Variants in TBC1D9 observed in about 807,000 individuals in gnomAD.
The protein encoded by TBC1D9 is TBC1 domain family member 9A.
Under a neutral mutation model 132.0 loss-of-function variants are expected in TBC1D9, and 63 were observed. The ratio of observed to expected loss-of-function variants is 0.48; its 90% confidence interval spans 0.39 to 0.59. The LOEUF (loss-of-function observed/expected upper bound fraction) is 0.59. Among genes scored for constraint, TBC1D9 ranks in the 20% least tolerant of loss-of-function variants. The probability of loss-of-function intolerance (pLI) is 0.00; values close to 1 mark genes in which losing one functional copy is unlikely to be tolerated. For missense variants in TBC1D9, 1,261 were observed against 1,592.7 expected (o/e 0.79, Z 3.54); for synonymous variants, 610 against 609.9 (o/e 1.00, Z 0.00).
intron 18 of TBC1D9, among the ~76,000 whole-genome samples, chr4:140,626,244 C>T (rs975441537): frequency 6.6e-6 from 1 of 152,180 alleles, no homozygotes; most frequent in East Asian, 1.9e-4. Flanking sequence ...TGTCTTATTA[C>T]ATTCTCTTAT....
chr4:140,657,829 T>A lies in TBC1D9; in HGVS notation c.1922-17A>T, dbSNP rs376218820. 2.5e-6 allele frequency: 4 copies of A among 1,600,428 alleles called. No individual in the cohort carries two copies. The highest frequency in any genetic ancestry group is 8.5e-7 in the Non-Finnish European group (1 of 1,173,824). ...CCAGTGCACCTGTGGCAGCGATGTA[T>A]ACAAAAAGGCGCAGCTTAGCCAACT... On this transcript the variant is annotated splice_polypyrimidine_tract_variant and intron_variant, in intron 11 of 20. Coordinates refer to ENST00000442267, the MANE Select transcript of TBC1D9 (RefSeq NM_015130.3).
intron 1 of TBC1D9, among the ~76,000 whole-genome samples, chr4:140,709,217 TTA>T (rs2111046163): frequency 1.4e-5 from 1 of 72,782 alleles, no homozygotes; most frequent in Non-Finnish European, 2.9e-5. Flanking sequence ...GGAACCAGCC[TTA>T]TCTCTCTCTC....
intron 1 of TBC1D9, among the ~76,000 whole-genome samples, chr4:140,729,983 G>A (rs1425588540): frequency 1.3e-5 from 2 of 152,026 alleles, no homozygotes; most frequent in Non-Finnish European, 1.5e-5. Context: ...ATTTTGTTGT[G>A]GCTTCTGCAG....
At chr4:140,660,222 T>C (rs775833838) in intron 10 of TBC1D9, among the ~76,000 whole-genome samples, 1 of 152,238 alleles carries the variant, frequency 6.6e-6, no homozygotes, top group Admixed American at 6.5e-5. Context: ...CGGAGAGAGA[T>C]GGTAGTGATA....
At chr4:140,643,400 C>CCCCAGGGTG in intron 13 of TBC1D9, 1 of 379,968 alleles carries the variant, frequency 2.6e-6, no homozygotes, top group Non-Finnish European at 3.8e-6. Context: ...CCATGGCCAC[C>CCCCAGGGTG]TCCATGCCAG....
chr4:140,653,445 G>A (rs1482254234), intron 13 of TBC1D9, among the ~76,000 whole-genome samples: 4 of 152,070 alleles, frequency 2.6e-5, no homozygotes, highest in Non-Finnish European at 4.4e-5. Context: ...AACCCTCACC[G>A]GACATTTGGA....
chr4:140,677,146 AC>A, intron 5 of TBC1D9, 45 bp from the exon 6 acceptor site: 1 of 1,603,680 alleles, frequency 6.2e-7, no homozygotes, highest in Non-Finnish European at 8.5e-7. Flanking sequence ...ATGTTTCCAT[AC>A]CTTCTAAATT....
chr4:140,632,914 A>G (rs1736820544), intron 16 of TBC1D9, among the ~76,000 whole-genome samples: 1 of 152,244 alleles, frequency 6.6e-6, no homozygotes, highest in South Asian at 2.1e-4. Flanking sequence ...TAAAAGTTCT[A>G]AAGTATCACA....
chr4:140,652,801 T>C (rs1426179016), intron 13 of TBC1D9, among the ~76,000 whole-genome samples: 1 of 152,214 alleles, frequency 6.6e-6, no homozygotes, highest in African/African-American at 2.4e-5. Flanking sequence ...CAGAGACACA[T>C]TACTCTAAGC....
In TBC1D9 at chr4:140,624,307, T is replaced by A; in HGVS notation, c.2974+7A>T. ...GAAGGTAAACATATAGAAGAGAATA[T>A]CCTTACCTTTGTCTGGCTTTAGGCT... On this transcript the variant is annotated splice_region_variant and intron_variant, in intron 19 of 20. Coordinates refer to ENST00000442267, the MANE Select transcript of TBC1D9 (RefSeq NM_015130.3). 3.7e-6 allele frequency: 6 copies of A among 1,613,442 alleles called. No homozygotes were observed. The highest frequency in any genetic ancestry group is 4.2e-6 in the Non-Finnish European group (5 of 1,179,688).
At chr4:140,678,018 T>TA (rs11439124) in intron 5 of TBC1D9, among the ~76,000 whole-genome samples, 65,272 of 149,022 alleles carry the variant, frequency 0.44, 14,269 homozygotes, top group South Asian at 0.55. Context: ...TTTTTCATTC[T>TA]AAAAAAAAAA....
At chr4:140,663,056 T>C (rs1433447401) in intron 9 of TBC1D9, among the ~76,000 whole-genome samples, 1 of 152,088 alleles carries the variant, frequency 6.6e-6, no homozygotes, top group African/African-American at 2.4e-5. Flanking sequence ...ATCAGACAAG[T>C]GGGATAGCAT....
chr4:140,641,256 T>C (rs1022607081), intron 13 of TBC1D9, among the ~76,000 whole-genome samples: 2 of 152,200 alleles, frequency 1.3e-5, no homozygotes, highest in African/African-American at 4.8e-5. Flanking sequence ...CAAGGGGCAC[T>C]TCCAGGTTGC....
intron 14 of TBC1D9, 47 bp from the exon 15 acceptor site, chr4:140,639,201 C>CA: frequency 6.6e-7 from 1 of 1,508,078 alleles, no homozygotes; most frequent in Non-Finnish European, 9.0e-7. Context: ...CAAAAAGTGC[C>CA]ATGCTGGGAA....
chr4:140,698,783 G>A (rs1738017905), intron 2 of TBC1D9, among the ~76,000 whole-genome samples: 1 of 152,120 alleles, frequency 6.6e-6, no homozygotes, highest in South Asian at 2.1e-4. Context: ...AGAATTTCAG[G>A]TACTACTAAA....
intron 13 of TBC1D9, among the ~76,000 whole-genome samples, chr4:140,655,578 G>A (rs1737254832): frequency 6.6e-6 from 1 of 152,138 alleles, no homozygotes; most frequent in East Asian, 1.9e-4. Flanking sequence ...AGAGAATCAA[G>A]GATCAGGAAA....
intron 1 of TBC1D9, among the ~76,000 whole-genome samples, chr4:140,753,040 A>T (rs191560249): frequency 1.0e-3 from 153 of 152,246 alleles, no homozygotes; most frequent in African/African-American, 3.4e-3. Context: ...TCACAGGCAG[A>T]TCTTTTTCTT....
intron 8 of TBC1D9, among the ~76,000 whole-genome samples, chr4:140,669,377 G>A (rs533604872): frequency 1.3e-5 from 2 of 152,210 alleles, no homozygotes; most frequent in Non-Finnish European, 2.9e-5. Flanking sequence ...CTGAGAAATC[G>A]GGTATTTATT....
rs1737521365 is a variant in TBC1D9 at position 140,670,733 on chromosome 4, C to A, written c.1253G>T (p.Ser418Ile). The part of the protein sequence containing the change: ...SDKEFAGSYN[S>I]SDDEVYSRPS... Reference sequence around the variant, plus strand: ...TCTCCCACAGACCTCATCATCTGAACTGTTGTAACTTCCTGCAAACTCCTT... The same window carrying A: ...TCTCCCACAGACCTCATCATCTGAAATGTTGTAACTTCCTGCAAACTCCTT... Residue 418 changes from serine (S) to isoleucine (I), a missense_variant, in exon 7 of 21, where the codon AGT becomes ATT. Physicochemically the swap from Ser to Ile is moderately radical, Grantham distance 142. This residue lies in a region of TBC1D9 where 550 missense variants were observed against 699.0 expected (regional missense o/e 0.79). Coordinates refer to ENST00000442267, the MANE Select transcript of TBC1D9 (RefSeq NM_015130.3). The A allele has an allele frequency of 1.2e-6, 2 of 1,613,716 alleles. No homozygotes were observed. Among genetic ancestry groups the A allele is most frequent in the Non-Finnish European group, 8.5e-7 (1 of 1,179,868 alleles).
Sources: gnomAD v4.1 joint callset for allele counts (sites outside exome capture counted in the v4.1 genomes callset) on GRCh38, gnomAD v4.1.1 for gene constraint, gnomAD v4.1.1 regional missense constraint, MANE v1.5 for transcripts, NCBI Gene and HGNC (gene_info 2026-07-23, HGNC 2026-07-21) for gene names.